The following NPRL3 variants were observed in gnomAD, a reference collection of about 807,000 sequenced individuals.
NPRL3 encodes NPR3 like, GATOR1 complex subunit.
A neutral mutation model predicts 57.2 loss-of-function variants in NPRL3; 23 were observed. The observed-to-expected ratio is 0.40, with a 90% CI of 0.29 to 0.57. The LOEUF (loss-of-function observed/expected upper bound fraction) is 0.57. Among genes scored for constraint, NPRL3 ranks in the 20% least tolerant of loss-of-function variants. The pLI is 0.42. For synonymous variants in NPRL3, 333 were observed against 321.1 expected (o/e 1.04, Z -0.39); for missense variants, 691 against 767.1 (o/e 0.90, Z 1.17).
chr16:99,280 A>C (rs1284876106), intron 8 of NPRL3, among the ~76,000 whole-genome samples: 2 of 152,224 alleles, frequency 1.3e-5, no homozygotes, highest in Non-Finnish European at 2.9e-5. Context: ...TAATTAAAAA[A>C]TGTTCAAGGT....
At chr16:122,471 T>C (rs1900326741) in intron 3 of NPRL3, among the ~76,000 whole-genome samples, 1 of 152,110 alleles carries the variant, frequency 6.6e-6, no homozygotes, top group South Asian at 2.1e-4. Flanking sequence ...AGATTGGGGG[T>C]GGGGCAAAAC....
intron 11 of NPRL3, 89 bp downstream of exon 11, chr16:92,507 G>A (rs1898802960): frequency 3.4e-6 from 5 of 1,481,166 alleles, no homozygotes; most frequent in Non-Finnish European, 3.7e-6. Context: ...CAGTGCTGAG[G>A]GCTCTCAGAT....
At position 88,877 on chromosome 16, in the gene NPRL3, G is replaced by C; in HGVS notation, c.1365C>G (p.Asp455Glu). ...LSFGSPTSSDDMTLTSPSMDN... is the reference protein window; with the variant it reads ...LSFGSPTSSDEMTLTSPSMDN... ...CCATGCTGGGGCTGGTGAGGGTCAT[G>C]TCATCGCTGCTGGCTGTGGGGGACA... The change falls in exon 13 of 14, where the codon GAC becomes GAG. Residue 455 changes from aspartate to glutamate, a missense_variant. By Grantham distance (45) the Asp-to-Glu change is conservative. Coordinates refer to ENST00000611875, the MANE Select transcript of NPRL3 (RefSeq NM_001077350.3). 6.2e-7 allele frequency: 1 copy of C among 1,611,204 alleles called. No individual in the cohort carries two copies. The highest frequency in any genetic ancestry group is 8.5e-7 in the Non-Finnish European group (1 of 1,177,610).
chr16:118,813 C>G (rs1900155201), intron 4 of NPRL3, among the ~76,000 whole-genome samples: 1 of 152,226 alleles, frequency 6.6e-6, no homozygotes, highest in South Asian at 2.1e-4. Flanking sequence ...CACATCTGCC[C>G]AGAGGGTCTG....
intron 7 of NPRL3, among the ~76,000 whole-genome samples, chr16:106,025 T>C (rs1461295547): frequency 6.6e-6 from 1 of 152,184 alleles, no homozygotes; most frequent in Non-Finnish European, 1.5e-5. Context: ...AAATAGCAAC[T>C]GGGGACCGGA....
At chr16:132,567 C>A (rs1164058529) in intron 2 of NPRL3, among the ~76,000 whole-genome samples, 1 of 152,112 alleles carries the variant, frequency 6.6e-6, no homozygotes, top group East Asian at 1.9e-4. Flanking sequence ...TTAATGGCAT[C>A]TATAATGGCA....
intron 9 of NPRL3, among the ~76,000 whole-genome samples, chr16:94,804 C>G (rs1898918606): frequency 6.6e-6 from 1 of 152,012 alleles, no homozygotes; most frequent in Non-Finnish European, 1.5e-5. Flanking sequence ...ACTCGCATGT[C>G]TCTCTCAAAA....
At chr16:89,031 T>G in intron 12 of NPRL3, 141 bp from the exon 13 acceptor site, 2 of 747,786 alleles carry the variant, frequency 2.7e-6, no homozygotes, top group South Asian at 3.6e-5. Flanking sequence ...AAGCATTCGC[T>G]GCTGCCCCAC....
chr16:130,490 G>A lies in NPRL3; in HGVS notation c.188+32C>T, dbSNP rs762517088. 14 of 1,541,954 alleles carry A rather than the reference G, an allele frequency of 9.1e-6. No individual in the cohort carries two copies. Among genetic ancestry groups the A allele is most frequent in the Middle Eastern group, 1.8e-4 (1 of 5,610 alleles). On this transcript the variant is annotated intron_variant, in intron 3 of 13. Coordinates refer to ENST00000611875, the MANE Select transcript of NPRL3 (RefSeq NM_001077350.3). ...TTGCCCAGGCCTGGGACCAGGACAC[G>A]CCCCGCCCTGAAGTGGCCGCAGAGC...
chr16:132,317 T>C (rs186647105), intron 2 of NPRL3, among the ~76,000 whole-genome samples: 1 of 152,320 alleles, frequency 6.6e-6, no homozygotes, highest in Admixed American at 6.5e-5. Context: ...CAGAAACTGC[T>C]TTCTTTGCCC....
chr16:100,292 AAAGT>A (rs1205359905), intron 8 of NPRL3, 76 bp downstream of exon 8: 54 of 1,353,334 alleles, frequency 4.0e-5, no homozygotes, highest in Non-Finnish European at 4.9e-5. Context: ...ATTTTGGAAC[AAAGT>A]AAGTGGTAAA....
At chr16:133,336 C>T (rs1485523390) in intron 2 of NPRL3, among the ~76,000 whole-genome samples, 1 of 152,082 alleles carries the variant, frequency 6.6e-6, no homozygotes, top group African/African-American at 2.4e-5. Flanking sequence ...GCAATTCTCC[C>T]GTCTCAGCCT....
chr16:112,215 T>C (rs1466753017), intron 6 of NPRL3, among the ~76,000 whole-genome samples: 1 of 152,192 alleles, frequency 6.6e-6, no homozygotes, highest in Non-Finnish European at 1.5e-5. Context: ...TGCAGCAGTG[T>C]GTGGGAAGAA....
At chr16:104,063 T>C (rs1387164857) in intron 7 of NPRL3, among the ~76,000 whole-genome samples, 1 of 126,632 alleles carries the variant, frequency 7.9e-6, no homozygotes, top group Non-Finnish European at 1.7e-5. Context: ...GAGGCGGAGG[T>C]TGCACTGAGC....
intron 4 of NPRL3, among the ~76,000 whole-genome samples, chr16:117,586 GC>G (rs551930970): frequency 1.1e-4 from 17 of 152,002 alleles, no homozygotes; most frequent in Non-Finnish European, 2.2e-4. Flanking sequence ...TGACCCCCTC[GC>G]CCCCCCGCTA....
At chr16:120,699 T>TA (rs1900245270) in intron 3 of NPRL3, among the ~76,000 whole-genome samples, 1 of 152,156 alleles carries the variant, frequency 6.6e-6, no homozygotes, top group Non-Finnish European at 1.5e-5. Context: ...TCAATCTTGT[T>TA]AGAGTTATCC....
rs1898813006 is a variant in NPRL3, at chr16:92,691, A to G, written c.1066T>C (p.Phe356Leu). 1 of 1,613,696 alleles carries G rather than the reference A, an allele frequency of 6.2e-7. No individual in the cohort carries two copies. Among genetic ancestry groups the G allele is most frequent in the African/African-American group, 1.3e-5 (1 of 74,934 alleles). Residue 356 changes from phenylalanine (F) to leucine (L), a missense_variant, in exon 11 of 14, where the codon TTC (phenylalanine) becomes CTC (leucine). By Grantham distance (22) the Phe-to-Leu change is conservative (BLOSUM62 0). Transcript: ENST00000611875. ...SPLAEQFSHQ[F>L]PSHDLPSVLA... ...ACGGACGGCAGGTCATGAGATGGGAACTGGTGGGAGAACTGCTCGGCCAGC... is the reference window on the plus strand; with the variant it reads ...ACGGACGGCAGGTCATGAGATGGGAGCTGGTGGGAGAACTGCTCGGCCAGC...
chr16:113,265 G>T (rs1461442755), intron 5 of NPRL3, among the ~76,000 whole-genome samples: 1 of 152,212 alleles, frequency 6.6e-6, no homozygotes, highest in East Asian at 1.9e-4. Context: ...AGTCACGACA[G>T]GCCACGTTAC....
intron 9 of NPRL3, among the ~76,000 whole-genome samples, chr16:95,301 A>T (rs1898939437): frequency 6.7e-6 from 1 of 149,238 alleles, no homozygotes; most frequent in African/African-American, 2.5e-5. Context: ...AATTTTCATA[A>T]TACAAAATAA....
Sources: allele counts gnomAD v4.1 joint callset (sites outside exome capture counted in the v4.1 genomes callset), GRCh38; gene constraint gnomAD v4.1.1; transcripts MANE v1.5; gene names NCBI Gene and HGNC (gene_info 2026-07-23, HGNC 2026-07-21).